Variants in PTCH2 observed in about 807,000 individuals in gnomAD.
PTCH2 encodes the protein patched 2.
PTCH2 carries 96 observed loss-of-function variants against 117.9 expected under a neutral mutation model. The ratio of observed to expected loss-of-function variants is 0.81; its 90% CI spans 0.69 to 0.96. The LOEUF is 0.96. Ranked by LOEUF, PTCH2 falls within the 50% of genes least tolerant of loss-of-function variation. The probability of loss-of-function intolerance (pLI) is 0.00; values close to 1 mark genes in which losing one functional copy is unlikely to be tolerated. For missense variants in PTCH2, 1,379 were observed against 1,562.5 expected, an observed-to-expected ratio of 0.88 and a Z score of 1.98; for synonymous variants, 615 against 660.9, an observed-to-expected ratio of 0.93 and a Z score of 1.06.
intron 2 of PTCH2, among the ~76,000 whole-genome samples, chr1:44,833,927 T>C (rs1179538918): frequency 6.6e-6 from 1 of 151,772 alleles, no homozygotes; most frequent in East Asian, 2.0e-4. Context: ...TGTGAGTCAC[T>C]GCACCTGGCC....
rs973801359 is a variant in PTCH2 at position 44,843,093 on chromosome 1, G to A, written c.-161C>T. The A allele has an allele frequency of 7.2e-7, 1 of 1,394,066 alleles. No individual in the cohort carries two copies. Among genetic ancestry groups the A allele is most frequent in the Non-Finnish European group, 9.3e-7 (1 of 1,077,156 alleles). The allele number at this position is 1,394,066 out of a possible 1,614,324, so 86.4% of individuals were successfully genotyped here. On this transcript the variant is annotated 5_prime_UTR_variant, in exon 1 of 22. Coordinates refer to ENST00000372192, the MANE Select transcript of PTCH2 (RefSeq NM_003738.5). ...ACTGTGGGGTGTGGGTGTTAAAGCG[G>A]CTGGGAGGGAGGAGTGCAGGGAGCT...
At chr1:44,830,343 C>T (rs1242753120) in intron 6 of PTCH2, among the ~76,000 whole-genome samples, 1 of 152,130 alleles carries the variant, frequency 6.6e-6, no homozygotes, top group Non-Finnish European at 1.5e-5. Flanking sequence ...TCATGCTTAC[C>T]TGCTGTGTTC....
rs546170078 is a variant in PTCH2, at chr1:44,829,161, G to T, written c.1367C>A (p.Thr456Asn). ...LLGITFNAAT[T>N]QVLPFLALGI... Reference sequence around the variant, plus strand: ...TGCCCTGCAGTCCTGGCGTACCTGGGTAGTGGCAGCATTGAAGGTGATGCC... The same window carrying T: ...TGCCCTGCAGTCCTGGCGTACCTGGTTAGTGGCAGCATTGAAGGTGATGCC... The change falls in exon 10 of 22, where the codon ACC (threonine) becomes AAC (asparagine). Residue 456 changes from threonine to asparagine, a missense_variant. Transcript: ENST00000372192. 116 of 1,613,828 alleles carry T rather than the reference G, an allele frequency of 7.2e-5. 1 individual carries two copies. In the South Asian group the frequency reaches 1.2e-3, roughly 17 times the overall value.
rs1653359051 is a variant in PTCH2, at chr1:44,829,995, G to C, written c.849C>G (p.Cys283Trp). ...PNVAHELSGG[C>W]HGFSHKFMHW... ...GCATGAATTTGTGGGAGAAGCCATG[G>C]CAGCCCCCACTCAGCTCGTGAGCCA... The change falls in exon 7 of 22, where the codon TGC (cysteine) becomes TGG (tryptophan). Residue 283 changes from cysteine to tryptophan, a missense_variant. Coordinates refer to ENST00000372192, the MANE Select transcript of PTCH2 (RefSeq NM_003738.5). 6.2e-7 allele frequency: 1 copy of C among 1,614,172 alleles called. No individual in the cohort carries two copies. The highest frequency in any genetic ancestry group is 8.5e-7 in the Non-Finnish European group (1 of 1,180,012).
chr1:44,830,609 T>TAAAAAAAAAAAAAAAAAAAAAA (rs1653397579), intron 6 of PTCH2, among the ~76,000 whole-genome samples: 1 of 84,820 alleles, frequency 1.2e-5, no homozygotes, highest in Non-Finnish European at 2.3e-5. Flanking sequence ...AAAAAAGAAG[T>TAAAAAAAAAAAAAAAAAAAAAA]CCAGCCTTAT....
chr1:44,830,229 A>G (rs1653371201), intron 6 of PTCH2, among the ~76,000 whole-genome samples, 199 bp from the exon 7 acceptor site: 1 of 88,936 alleles, frequency 1.1e-5, no homozygotes. Context: ...GGGGAAGCAG[A>G]GGCCTGGAAG....
At position 44,842,854 on chromosome 1, in the gene PTCH2, T is replaced by G. The variant is rs1573666456; in HGVS notation, c.72+7A>C. On this transcript the variant is annotated splice_region_variant and intron_variant, in intron 1 of 21. Transcript: ENST00000372192. The stretch of plus-strand genomic sequence containing the variant: ...CTCTTCCTTCTTCCAGCTCCCCCTC[T>G]ACTCACCTGGGGTGCTGCGGTTCGA... 6.5e-7 allele frequency: 1 copy of G among 1,548,972 alleles called. No homozygotes were observed. Among genetic ancestry groups the G allele is most frequent in the Non-Finnish European group, 8.7e-7 (1 of 1,144,706 alleles).
rs138324984 is a variant in PTCH2, at chr1:44,827,908, G to C, written c.1993C>G (p.Arg665Gly). 4 of 1,614,180 alleles carry C rather than the reference G, an allele frequency of 2.5e-6. No individual in the cohort carries two copies. The highest frequency in any genetic ancestry group is 3.4e-6 in the Non-Finnish European group (4 of 1,180,046). Reference protein sequence around the residue: ...KAACKSLPCARWNLAHFARYQ... With the variant: ...KAACKSLPCAGWNLAHFARYQ... ...CGGGCGAAATGGGCAAGATTCCAGC[G>C]GGCACAGGGCAGGGACTTGCAGGCT... The change falls in exon 14 of 22, where the codon CGC becomes GGC. Residue 665 changes from arginine (R) to glycine (G), a missense_variant. By Grantham distance (125) the Arg-to-Gly change is moderately radical. Transcript: ENST00000372192.
chr1:44,837,404 C>T (rs1339388289), intron 2 of PTCH2, among the ~76,000 whole-genome samples: 1 of 152,104 alleles, frequency 6.6e-6, no homozygotes, highest in African/African-American at 2.4e-5. Context: ...CAGGTACATG[C>T]CATCATGTGT....
chr1:44,842,666 T>C lies in PTCH2; in HGVS notation c.72+195A>G, dbSNP rs1162906283. On this transcript the variant is annotated intron_variant, in intron 1 of 21. Transcript: ENST00000372192. The stretch of plus-strand genomic sequence containing the variant: ...GAGGTGAACCCACAGACATTCATTC[T>C]CACTGGCCAGACGATGAGGAGACAC... Among the ~76,000 whole-genome samples the C allele has an allele frequency of 2.6e-5, 4 of 152,160 alleles. No individual in the cohort carries two copies. The East Asian group carries it at 5.8e-4, about 22-fold the overall frequency.
chr1:44,826,330 T>G lies in PTCH2; in HGVS notation c.3034A>C (p.Ile1012Leu). The change falls in exon 19 of 22, where the codon ATC becomes CTC. Residue 1012 changes from isoleucine to leucine, a missense_variant. Physicochemically the swap from Ile to Leu is conservative, Grantham distance 5. Transcript: ENST00000372192. This position sits in a 1 kb window ranked among gnomAD's most constrained non-coding sequence, Gnocchi z 5.1. ...ACCACGGGGATGGCACTCAGCTTGA[T>G]GCCCAGGAAACCCATGATACCAAAG... ...ELFGIMGFLG[I>L]KLSAIPVVIL... is the part of the protein sequence containing the mutation. 1 of 1,614,142 alleles carries G rather than the reference T, an allele frequency of 6.2e-7. No homozygotes were observed. The highest frequency in any genetic ancestry group is 1.1e-5 in the South Asian group (1 of 91,088).
At chr1:44,821,083 T>C (rs1456981293), downstream of PTCH2, among the ~76,000 whole-genome samples, 5 of 152,088 alleles carry the variant, frequency 3.3e-5, no homozygotes, top group Non-Finnish European at 5.9e-5. Flanking sequence ...TGAGAACGCA[T>C]TGTTCCTGGG....
intron 19 of PTCH2, among the ~76,000 whole-genome samples, chr1:44,824,233 C>A (rs1381359186): frequency 6.6e-6 from 1 of 152,116 alleles, no homozygotes; most frequent in African/African-American, 2.4e-5. Context: ...ATTTCTAATT[C>A]TTCTTTTGTA....
chr1:44,841,784 T>C, intron 2 of PTCH2, 63 bp downstream of exon 2: 2 of 1,584,582 alleles, frequency 1.3e-6, no homozygotes, highest in Non-Finnish European at 1.7e-6. Context: ...AGCCAGCTCC[T>C]CACCCCGTTC....
chr1:44,823,222 C>T lies in PTCH2; in HGVS notation c.3257+21G>A, dbSNP rs1231969870. 25 of 1,614,056 alleles carry T rather than the reference C, an allele frequency of 1.5e-5. No individual in the cohort carries two copies. The highest frequency in any genetic ancestry group is 2.0e-5 in the Non-Finnish European group (24 of 1,180,020). The stretch of plus-strand genomic sequence containing the variant: ...CCAGGCCTGTCCTGAGCCCTGCCTC[C>T]CTGCCCCGAGCCCTCCCTACCTTAC... On this transcript the variant is annotated intron_variant, in intron 20 of 21. Coordinates refer to ENST00000372192, the MANE Select transcript of PTCH2 (RefSeq NM_003738.5). This position sits in a 1 kb window ranked among gnomAD's most constrained non-coding sequence, Gnocchi z 5.1.
chr1:44,822,065 T>C lies in PTCH2; in HGVS notation c.*350A>G. 1.5e-6 allele frequency: 2 copies of C among 1,354,312 alleles called. No homozygotes were observed. Among genetic ancestry groups the C allele is most frequent in the Non-Finnish European group, 1.9e-6 (2 of 1,046,696 alleles). 83.9% of individuals were successfully genotyped at this position (1,354,312 alleles called of 1,614,324 possible). On this transcript the variant is annotated 3_prime_UTR_variant, in exon 22 of 22. Transcript: ENST00000372192. ...ATGTGGTAGGAGGTGGGCAGGGATA[T>C]GGAGAGCCTGCCCAGGAGTCACCAG...
chr1:44,841,388 C>G (rs1388640776), intron 2 of PTCH2, among the ~76,000 whole-genome samples: 1 of 152,140 alleles, frequency 6.6e-6, no homozygotes. Context: ...TTTCCCCAGC[C>G]TTCTAGTTCT....
In PTCH2 at chr1:44,841,951, T is replaced by A; in HGVS notation, c.161A>T (p.His54Leu). ...LFSLGCGIQR[H>L]CGKVLFLGLL... ...TCCCAGAAAGAGCACTTTGCCACAA[T>A]GTCTCTGGATCCCGCATCCCAGAGA... is the stretch of plus-strand genomic sequence containing the variant. Residue 54 changes from histidine (H) to leucine (L), a missense_variant, in exon 2 of 22, where the codon CAT becomes CTT. By Grantham distance (99) the His-to-Leu change is moderately conservative (BLOSUM62 -3). Transcript: ENST00000372192. The A allele has an allele frequency of 6.2e-7, 1 of 1,614,198 alleles. No individual in the cohort carries two copies. Among genetic ancestry groups the A allele is most frequent in the Non-Finnish European group, 8.5e-7 (1 of 1,180,024 alleles).
At position 44,826,614 on chromosome 1, in the gene PTCH2, G is replaced by T. The variant is rs1553164952; in HGVS notation, c.2850C>A (p.Pro950=). ...AGVHAYPSGS[P]FLFWEQYLGL... ...CCAGATACTGTTCCCAGAAGAGGAAGGGGGAGCCGCTGGGGTAGGCGTGCA... is the reference window on the plus strand; with the variant it reads ...CCAGATACTGTTCCCAGAAGAGGAATGGGGAGCCGCTGGGGTAGGCGTGCA... Residue 950 remains proline (P), a synonymous_variant, in exon 18 of 22, where the codon CCC becomes CCA. Coordinates refer to ENST00000372192, the MANE Select transcript of PTCH2 (RefSeq NM_003738.5). The surrounding 1 kb of genome is among the most constrained non-coding windows in gnomAD (Gnocchi z 5.1). 1 of 1,613,326 alleles carries T rather than the reference G, an allele frequency of 6.2e-7. No individual in the cohort carries two copies. The highest frequency in any genetic ancestry group is 8.5e-7 in the Non-Finnish European group (1 of 1,179,986).
Sources: gnomAD v4.1 joint callset for allele counts (sites outside exome capture counted in the v4.1 genomes callset) on GRCh38, gnomAD v4.1.1 for gene constraint, Gnocchi (gnomAD v3.1) non-coding constraint, MANE v1.5 for transcripts, NCBI Gene and HGNC (gene_info 2026-07-23, HGNC 2026-07-21) for gene names.